MS4A15: variants seen among roughly 807,000 people sequenced by gnomAD.
MS4A15 encodes the protein membrane spanning 4-domains A15.
Under a neutral mutation model 20.6 loss-of-function variants are expected in MS4A15, and 22 were observed. The ratio of observed to expected loss-of-function variants is 1.07; its 90% CI spans 0.76 to 1.52. MS4A15 has a LOEUF of 1.52. MS4A15 is among the 40% of genes most tolerant of loss of function. The probability of loss-of-function intolerance (pLI) is 0.00; values close to 1 mark genes in which losing one functional copy is unlikely to be tolerated. For missense variants in MS4A15, 312 were observed against 323.0 expected, an observed-to-expected ratio of 0.97 and a Z score of 0.26; for synonymous variants, 129 against 129.3, an observed-to-expected ratio of 1.00 and a Z score of 0.02.
intron 2 of MS4A15, among the ~76,000 whole-genome samples, chr11:60,765,490 G>C (rs1853862137): frequency 6.6e-6 from 1 of 152,050 alleles, no homozygotes; most frequent in South Asian, 2.1e-4. Flanking sequence ...CTGTGCCGGG[G>C]ACTTTGCATG....
chr11:60,762,916 C>G (rs939984732), intron 1 of MS4A15, among the ~76,000 whole-genome samples: 2 of 152,084 alleles, frequency 1.3e-5, no homozygotes, highest in African/African-American at 4.8e-5. Context: ...AAAACAGCCT[C>G]CTAAGAAGGT....
intron 4 of MS4A15, chr11:60,771,697 C>T (rs11230470): frequency 6.0e-6 from 8 of 1,325,608 alleles, no homozygotes; most frequent in East Asian, 4.4e-5. Flanking sequence ...GGAGAATGCA[C>T]GGAGGAGTGT....
At chr11:60,772,172 G>A (rs905473853) in intron 4 of MS4A15, among the ~76,000 whole-genome samples, 2 of 152,174 alleles carry the variant, frequency 1.3e-5, no homozygotes, top group Admixed American at 6.5e-5. Context: ...GAGCCCGGTC[G>A]GGAAACGCCA....
chr11:60,762,339 TC>T (rs1316503409), intron 1 of MS4A15, among the ~76,000 whole-genome samples: 1 of 152,222 alleles, frequency 6.6e-6, no homozygotes, highest in East Asian at 1.9e-4. Flanking sequence ...GCAATATAAT[TC>T]TATCTATGTC....
At chr11:60,767,476 C>T (rs372515019) in intron 2 of MS4A15, 57 bp from the exon 3 acceptor site, 30 of 1,416,180 alleles carry the variant, frequency 2.1e-5, no homozygotes, top group South Asian at 4.6e-5. Context: ...TCCGCGGGGC[C>T]GGCAGGGGGC....
At chr11:60,775,563 C>T (rs1854169947) in intron 6 of MS4A15, 42 bp from the exon 7 acceptor site, 4 of 1,532,406 alleles carry the variant, frequency 2.6e-6, no homozygotes, top group Non-Finnish European at 3.6e-6. Flanking sequence ...TACCCTGAAG[C>T]TCCAGCGTCC....
At chr11:60,769,042 C>T (rs957123529) in intron 3 of MS4A15, among the ~76,000 whole-genome samples, 2 of 152,164 alleles carry the variant, frequency 1.3e-5, no homozygotes, top group South Asian at 2.1e-4. Context: ...GAAAATTTTG[C>T]AATCGGGAGA....
intron 4 of MS4A15, chr11:60,771,559 G>T: frequency 1.3e-6 from 2 of 1,528,642 alleles, no homozygotes; most frequent in Non-Finnish European, 1.8e-6. Context: ...CAATACACAA[G>T]CCAGGGTGGA....
At chr11:60,763,633 G>A (rs1401807242) in intron 1 of MS4A15, 73 bp from the exon 2 acceptor site, 6 of 1,251,766 alleles carry the variant, frequency 4.8e-6, no homozygotes, top group Non-Finnish European at 6.8e-6. Context: ...AAGGGAAGTA[G>A]GCACGTTGCT....
At chr11:60,773,139 C>T (rs990107540) in intron 4 of MS4A15, among the ~76,000 whole-genome samples, 15 of 152,186 alleles carry the variant, frequency 9.9e-5, no homozygotes, top group African/African-American at 3.4e-4. Flanking sequence ...AGGTGGTGCC[C>T]TTCTCCCTAG....
chr11:60,768,680 C>T (rs575289363), intron 3 of MS4A15, among the ~76,000 whole-genome samples: 1 of 152,344 alleles, frequency 6.6e-6, no homozygotes, highest in South Asian at 2.1e-4. Flanking sequence ...AGATCTGGCC[C>T]TGCCTACCTC....
chr11:60,759,555 T>C (rs1200246454), intron 1 of MS4A15, among the ~76,000 whole-genome samples: 5 of 151,752 alleles, frequency 3.3e-5, no homozygotes, highest in Admixed American at 6.6e-5. Flanking sequence ...GGAGGATTAG[T>C]AAAAGAGGAA....
rs775659453 is a variant in MS4A15, at chr11:60,771,291, TTCA to T, written c.355_357del (p.Ile119del). On this transcript the variant is annotated inframe_deletion and splice_region_variant, in exon 4 of 7. Transcript: ENST00000405633. ...CACCTGGTCCCCTCTCCCCATACAG[TTCA>T]TCATCTCCGGATCCCTCTCAGTGGC... is the stretch of plus-strand genomic sequence containing the variant. 3 of 1,613,774 alleles carry T rather than the reference TTCA, an allele frequency of 1.9e-6. No individual in the cohort carries two copies. Among genetic ancestry groups the T allele is most frequent in the Admixed American group, 1.7e-5 (1 of 60,016 alleles).
Position 60,775,624 on chromosome 11 carries a change from A to G in MS4A15, c.632A>G (p.Asn211Ser), listed in dbSNP as rs1389999938. Reference sequence around the variant, plus strand: ...TTGCAGCCTGTGATCTTCCTGCCAAACGCCTTCAGCGCAGACTTCAACATC... The same window carrying G: ...TTGCAGCCTGTGATCTTCCTGCCAAGCGCCTTCAGCGCAGACTTCAACATC... ...QASAPVIFLP[N>S]AFSADFNIPS... Residue 211 changes from asparagine to serine, a missense_variant, in exon 7 of 7, where the codon AAC (asparagine) becomes AGC (serine). By Grantham distance (46) the Asn-to-Ser change is conservative. Transcript: ENST00000405633. The G allele has an allele frequency of 6.2e-7, 1 of 1,613,842 alleles. No individual in the cohort carries two copies. The highest frequency in any genetic ancestry group is 1.1e-5 in the South Asian group (1 of 91,058).
chr11:60,767,396 C>G, intron 2 of MS4A15, 137 bp from the exon 3 acceptor site: 1 of 1,139,014 alleles, frequency 8.8e-7, no homozygotes, highest in Non-Finnish European at 1.2e-6. Context: ...AATATCGCCT[C>G]TAAAGAACAG....
chr11:60,770,643 G>A (rs1357757392), intron 3 of MS4A15, among the ~76,000 whole-genome samples: 1 of 151,538 alleles, frequency 6.6e-6, no homozygotes, highest in Non-Finnish European at 1.5e-5. Context: ...GCAGAGATCT[G>A]GTCTGCCTTA....
intron 6 of MS4A15, 23 bp from the exon 7 acceptor site, chr11:60,775,582 G>C (rs376554952): frequency 6.2e-7 from 1 of 1,600,192 alleles, no homozygotes; most frequent in Non-Finnish European, 8.6e-7. Context: ...CCTCCAGGAC[G>C]CTCAGTGCTG....
intron 4 of MS4A15, chr11:60,771,743 T>A: frequency 2.4e-6 from 3 of 1,233,870 alleles, no homozygotes; most frequent in Non-Finnish European, 2.1e-6. Context: ...CCTGGCTCCA[T>A]CCAACGAAGG....
At chr11:60,766,725 A>G (rs1853893879) in intron 2 of MS4A15, among the ~76,000 whole-genome samples, 1 of 152,194 alleles carries the variant, frequency 6.6e-6, no homozygotes, top group South Asian at 2.1e-4. Flanking sequence ...AAAGAAATAT[A>G]TATTCCACGT....
Sources: allele counts gnomAD v4.1 joint callset (sites outside exome capture counted in the v4.1 genomes callset), GRCh38; gene constraint gnomAD v4.1.1; transcripts MANE v1.5; gene names NCBI Gene and HGNC (gene_info 2026-07-23, HGNC 2026-07-21).